The following SHC3 variants were observed in gnomAD, a reference collection of about 807,000 sequenced individuals.
SHC3 encodes the protein SHC-transforming protein 3.
In SHC3, 15 loss-of-function variants were observed where a neutral mutation model predicts 60.4. The observed-to-expected ratio is 0.25, with a 90% CI of 0.17 to 0.38. The LOEUF is 0.38. Ranked by LOEUF, SHC3 falls within the 10% of genes least tolerant of loss-of-function variation. The probability of loss-of-function intolerance (pLI) is 1.00; values close to 1 mark genes in which losing one functional copy is unlikely to be tolerated. For synonymous variants in SHC3, 294 were observed against 325.9 expected (o/e 0.90, Z 1.05); for missense variants, 677 against 786.1 (o/e 0.86, Z 1.66).
chr9:89,049,704 C>A (rs1185816857), intron 7 of SHC3, among the ~76,000 whole-genome samples: 2 of 152,224 alleles, frequency 1.3e-5, no homozygotes, highest in Admixed American at 6.5e-5. Context: ...CTGAACTATA[C>A]AAGTGGAGGT....
At chr9:89,053,437 G>C (rs1824895345) in intron 6 of SHC3, among the ~76,000 whole-genome samples, 1 of 152,188 alleles carries the variant, frequency 6.6e-6, no homozygotes, top group African/African-American at 2.4e-5. Context: ...AGACACGGAT[G>C]CCTCTGCACA....
chr9:89,164,428 C>T (rs929403324), intron 1 of SHC3, among the ~76,000 whole-genome samples: 23 of 151,952 alleles, frequency 1.5e-4, no homozygotes, highest in African/African-American at 5.3e-4. Context: ...TTGAGCTAAG[C>T]CCAAAAGTGC....
At chr9:89,094,950 CCAAA>C (rs113093456) in intron 2 of SHC3, among the ~76,000 whole-genome samples, 12,923 of 152,104 alleles carry the variant, frequency 0.085, 638 homozygotes, top group Admixed American at 0.13. Flanking sequence ...AAAAAACCAA[CCAAA>C]CAAACAAACA....
Position 89,071,225 on chromosome 9 carries a change from T to C in SHC3, c.757A>G (p.Ile253Val). 6.2e-7 allele frequency: 1 copy of C among 1,614,122 alleles called. No homozygotes were observed. ...GGGTCTCCCCCAGAGGCGAAGGAGA[T>C]GGACCGCATGTGGTGATTCGCTATG... is the stretch of plus-strand genomic sequence containing the variant. Reference protein sequence around the residue: ...QIIANHHMRSISFASGGDPDT... With the variant: ...QIIANHHMRSVSFASGGDPDT... The change falls in exon 5 of 12, where the codon ATC becomes GTC. Residue 253 changes from isoleucine (I) to valine (V), a missense_variant. By Grantham distance (29) the Ile-to-Val change is conservative. Coordinates refer to ENST00000375835, the MANE Select transcript of SHC3 (RefSeq NM_016848.6).
intron 6 of SHC3, among the ~76,000 whole-genome samples, chr9:89,063,933 A>T (rs1014137649): frequency 1.3e-5 from 2 of 152,244 alleles, no homozygotes; most frequent in African/African-American, 4.8e-5. Context: ...AGGCTGGGTG[A>T]CTTCAACAAC....
chr9:89,077,896 T>G lies in SHC3; in HGVS notation c.553A>C (p.Ile185Leu). 6.2e-7 allele frequency: 1 copy of G among 1,614,214 alleles called. No individual in the cohort carries two copies. ...STRTQITREA[I>L]SRVCEAVPGA... ...GGCACAGCTTCACAGACGCGGCTGA[T>G]GGCTTCCCTTAGGACAGGAAGAAAA... The change falls in exon 3 of 12, where the codon ATC becomes CTC. Residue 185 changes from isoleucine to leucine, a missense_variant. By Grantham distance (5) the Ile-to-Leu change is conservative (BLOSUM62 2). Coordinates refer to ENST00000375835, the MANE Select transcript of SHC3 (RefSeq NM_016848.6).
chr9:89,013,684 G>T (rs555318597), intron 11 of SHC3, 109 bp from the exon 12 acceptor site: 2 of 1,449,982 alleles, frequency 1.4e-6, no homozygotes, highest in Admixed American at 2.3e-5. Context: ...AAGGAAAGGA[G>T]GGGGGGACAA....
chr9:89,111,163 G>A (rs1825941827), intron 2 of SHC3, among the ~76,000 whole-genome samples: 1 of 152,140 alleles, frequency 6.6e-6, no homozygotes, highest in African/African-American at 2.4e-5. Flanking sequence ...AATTACATCA[G>A]GAGAACTAAA....
At chr9:89,024,251 C>A (rs769408568) in intron 11 of SHC3, among the ~76,000 whole-genome samples, 9 of 152,296 alleles carry the variant, frequency 5.9e-5, no homozygotes, top group Middle Eastern at 3.4e-3. Context: ...GCATCCTGTG[C>A]ATCTTATTTA....
intron 5 of SHC3, among the ~76,000 whole-genome samples, chr9:89,065,966 C>T (rs569758018): frequency 2.0e-5 from 3 of 152,306 alleles, no homozygotes; most frequent in Non-Finnish European, 4.4e-5. Flanking sequence ...CTGATACCTG[C>T]GTCCCAACAT....
chr9:89,037,473 AT>A (rs1824601031), intron 11 of SHC3: 2 of 706,500 alleles, frequency 2.8e-6, no homozygotes, highest in Non-Finnish European at 5.2e-6. Context: ...CTACGGGATT[AT>A]TCAGATACAG....
chr9:89,156,061 G>A (rs1268894884), intron 1 of SHC3, among the ~76,000 whole-genome samples: 2 of 152,204 alleles, frequency 1.3e-5, no homozygotes, highest in Admixed American at 1.3e-4. Flanking sequence ...CCATTGAATG[G>A]GGCTGACCCA....
chr9:89,046,291 C>T (rs904132176), intron 8 of SHC3, among the ~76,000 whole-genome samples: 2 of 152,014 alleles, frequency 1.3e-5, no homozygotes, highest in South Asian at 2.1e-4. Context: ...TCCCTGAGCT[C>T]AACGTTATTT....
intron 6 of SHC3, among the ~76,000 whole-genome samples, chr9:89,062,366 C>T (rs912028939): frequency 6.6e-6 from 1 of 152,174 alleles, no homozygotes; most frequent in Non-Finnish European, 1.5e-5. Flanking sequence ...GCTCATTTTC[C>T]ACCCTTATCT....
In SHC3 at chr9:89,037,606, TCAGTGATTCAAC is replaced by T. The variant is rs1439319409; in HGVS notation, c.1656+375_1656+386del. 1.6e-5 allele frequency: 11 copies of T among 695,340 alleles called. No individual in the cohort carries two copies. In the African/African-American group the frequency reaches 1.8e-4, roughly 11 times the overall value. 43.1% of individuals were successfully genotyped at this position (695,340 alleles called of 1,614,324 possible). A position where few individuals can be genotyped will look rare whatever the true frequency, so the allele number is the denominator to read the frequency against. ...ATTTTACAGCCTTAGAACAAAATCC[TCAGTGATTCAAC>T]TTTTCGAGATAAGCATTCAAGATAA... is the stretch of plus-strand genomic sequence containing the variant. On this transcript the variant is annotated intron_variant, in intron 11 of 11. Coordinates refer to ENST00000375835, the MANE Select transcript of SHC3 (RefSeq NM_016848.6).
At chr9:89,140,433 G>A (rs778803292) in intron 1 of SHC3, among the ~76,000 whole-genome samples, 5 of 152,052 alleles carry the variant, frequency 3.3e-5, no homozygotes, top group African/African-American at 4.8e-5. Flanking sequence ...TCTCAGTGGC[G>A]GTGGTGGTGG....
In SHC3 at chr9:89,010,320, G is replaced by A. The variant is rs9285046; in HGVS notation, c.*3127C>T. The A allele has an allele frequency of 0.97, 148,261 of 152,376 alleles. 72,230 individuals carry two copies. Among genetic ancestry groups the A allele is most frequent in the Middle Eastern group, 1 (294 of 294 alleles). The allele number at this position is 152,376 out of a possible 1,614,324, so 9.4% of individuals were successfully genotyped here. On this transcript the variant is annotated 3_prime_UTR_variant, in exon 12 of 12. Transcript: ENST00000375835. ...TTTTCACCTCCCCACCCGATTCTCC[G>A]GTTAGCTACTCAGAGGCAGCCTTGG...
chr9:89,166,026 G>C (rs1325633320), intron 1 of SHC3, among the ~76,000 whole-genome samples: 1 of 152,144 alleles, frequency 6.6e-6, no homozygotes, highest in Non-Finnish European at 1.5e-5. Flanking sequence ...CCAGTGAGCT[G>C]TAGGTCTGAC....
chr9:89,177,587 C>T (rs1033174151), intron 1 of SHC3, among the ~76,000 whole-genome samples: 3 of 152,234 alleles, frequency 2.0e-5, no homozygotes, highest in Non-Finnish European at 2.9e-5. Flanking sequence ...CCACTCCGTG[C>T]ATCTCTCCTC....
Sources: gnomAD v4.1 joint callset for allele counts (sites outside exome capture counted in the v4.1 genomes callset) on GRCh38, gnomAD v4.1.1 for gene constraint, MANE v1.5 for transcripts, NCBI Gene and HGNC (gene_info 2026-07-23, HGNC 2026-07-21) for gene names.